UBIAD1: variants seen among roughly 807,000 people sequenced by gnomAD.
The protein encoded by UBIAD1 is UbiA prenyltransferase domain containing 1.
In UBIAD1, 12 loss-of-function variants were observed where a neutral mutation model predicts 20.1. The observed-to-expected ratio is 0.60, with a 90% CI of 0.38 to 0.97. The LOEUF (loss-of-function observed/expected upper bound fraction) is 0.97. Ranked by LOEUF, UBIAD1 falls within the 50% of genes least tolerant of loss-of-function variation. UBIAD1 has a pLI of 0.00. For missense variants in UBIAD1, 333 were observed against 419.5 expected, an observed-to-expected ratio of 0.79 and a Z score of 1.80; for synonymous variants, 207 against 189.2, an observed-to-expected ratio of 1.09 and a Z score of -0.77.
Position 11,285,339 on chromosome 1 carries a change from A to G in UBIAD1, c.530-305A>G, listed in dbSNP as rs1638238671. On this transcript the variant is annotated intron_variant, in intron 1 of 1. Transcript: ENST00000376810. The surrounding 1 kb of genome is among the most constrained non-coding windows in gnomAD (Gnocchi z 4.4). ...CCTTCCTGGGCTCTCCCATTGAACT[A>G]AGAGTATAGTGGGTGCCTAGTGTGC... 6.6e-6 allele frequency among the ~76,000 whole-genome samples: 1 copy of G among 152,124 alleles called. No individual in the cohort carries two copies. Among genetic ancestry groups the G allele is most frequent in the African/African-American group, 2.4e-5 (1 of 41,420 alleles).
intron 1 of UBIAD1, chr1:11,278,779 T>C: frequency 1.9e-6 from 1 of 517,984 alleles, no homozygotes; most frequent in Non-Finnish European, 3.5e-6. Flanking sequence ...AGTTATTTAT[T>C]CCATTCATAT....
chr1:11,281,972 A>C (rs1652256246), intron 1 of UBIAD1, among the ~76,000 whole-genome samples: 1 of 152,180 alleles, frequency 6.6e-6, no homozygotes, highest in African/African-American at 2.4e-5. Context: ...ATTGTAACAT[A>C]CCACAACTTC....
Position 11,294,962 on chromosome 1 carries a change from C to T in UBIAD1, c.*79C>T, listed in dbSNP as rs1638424394. 7.0e-6 allele frequency: 5 copies of T among 717,290 alleles called. No homozygotes were observed. The Admixed American group carries it at 1.0e-4, about 14-fold the overall frequency. The allele number at this position is 717,290 out of a possible 1,614,324, so 44.4% of individuals were successfully genotyped here. ...ACTGCCTAGTGACCTGCCTTCTAGA[C>T]CTGCCTCCTGAGAATGGGGCTGGCC... is the stretch of plus-strand genomic sequence containing the variant. On this transcript the variant is annotated 3_prime_UTR_variant, in exon 2 of 2. Coordinates refer to the UBIAD1 transcript ENST00000376804.
chr1:11,286,551 C>T lies in UBIAD1; in HGVS notation c.*420C>T, dbSNP rs112789142. The T allele has an allele frequency of 2.4e-3, 699 of 294,560 alleles. 6 individuals carry two copies. Among genetic ancestry groups the T allele is most frequent in the African/African-American group, 0.014 (618 of 45,076 alleles). The allele number at this position is 294,560 out of a possible 1,614,324, so 18.2% of individuals were successfully genotyped here. On this transcript the variant is annotated 3_prime_UTR_variant, in exon 2 of 2. Transcript: ENST00000376810. ...AGGCAGAGTGTTGTCCTGCTTTCTT[C>T]GTCTCGTAGGATGTGCTATGATTGG...
At chr1:11,296,041 C>G (rs554418471), downstream of UBIAD1, 2 of 152,306 alleles carry the variant, frequency 1.3e-5, no homozygotes, top group South Asian at 4.1e-4. Context: ...CCCCATTGTT[C>G]CAGACTGCGA....
intron 1 of UBIAD1, among the ~76,000 whole-genome samples, chr1:11,275,051 C>T (rs763310147): frequency 6.6e-6 from 1 of 152,102 alleles, no homozygotes; most frequent in Non-Finnish European, 1.5e-5. Context: ...TGACTTCTTG[C>T]AAGAGGCTGA....
downstream of UBIAD1, chr1:11,295,555 T>C (rs1638433956): frequency 6.6e-6 from 1 of 152,448 alleles, no homozygotes; most frequent in East Asian, 1.9e-4. Context: ...CTAATCAAGA[T>C]GAATGGCCTG....
downstream of UBIAD1, among the ~76,000 whole-genome samples, chr1:11,292,668 T>TATACACACACACACAC (rs1223161585): frequency 4.3e-5 from 6 of 140,742 alleles, no homozygotes; most frequent in South Asian, 2.4e-4. Flanking sequence ...ATTTTATGTA[T>TATACACACACACACAC]ACACACACAC....
chr1:11,275,991 A>G (rs1191104220), intron 1 of UBIAD1, among the ~76,000 whole-genome samples: 1 of 152,190 alleles, frequency 6.6e-6, no homozygotes. Flanking sequence ...CACGGATTAT[A>G]TAGACCTTGT....
chr1:11,291,119 G>A (rs1250656846), downstream of UBIAD1, among the ~76,000 whole-genome samples: 4 of 152,170 alleles, frequency 2.6e-5, no homozygotes, highest in African/African-American at 7.2e-5. Context: ...GAGAATTAGC[G>A]TCCAGAATAA....
At chr1:11,294,544 G>A (rs1197939782) in intron 1 of UBIAD1, among the ~76,000 whole-genome samples, 1 of 152,170 alleles carries the variant, frequency 6.6e-6, no homozygotes, top group African/African-American at 2.4e-5. Context: ...AAGTGTGTGA[G>A]TGTTGGGGCC....
chr1:11,274,143 G>T, intron 1 of UBIAD1, 83 bp downstream of exon 1: 2 of 1,544,020 alleles, frequency 1.3e-6, no homozygotes, highest in Non-Finnish European at 1.8e-6. Context: ...TTATAGGGAT[G>T]TCAAAGGTGG....
chr1:11,285,965 C>T lies in UBIAD1; in HGVS notation c.851C>T (p.Ala284Val), dbSNP rs1638256031. 5.0e-6 allele frequency: 8 copies of T among 1,614,244 alleles called. No homozygotes were observed. Among genetic ancestry groups the T allele is most frequent in the Non-Finnish European group, 6.8e-6 (8 of 1,180,048 alleles). The stretch of plus-strand genomic sequence containing the variant: ...GCCACACACTGCACCATCAGCCTGG[C>T]ACTCCCCCTGCTTACCATTCCCATG... Reference protein sequence around the residue: ...ILATHCTISLALPLLTIPMAF... With the variant: ...ILATHCTISLVLPLLTIPMAF... The change falls in exon 2 of 2, where the codon GCA (alanine) becomes GTA (valine). Residue 284 changes from alanine (A) to valine (V), a missense_variant. This residue lies in a region of UBIAD1 where 226 missense variants were observed against 263.5 expected (regional missense o/e 0.86). Transcript: ENST00000376810. This position sits in a 1 kb window ranked among gnomAD's most constrained non-coding sequence, Gnocchi z 4.4.
At chr1:11,292,708 C>T (rs1199620340), downstream of UBIAD1, among the ~76,000 whole-genome samples, 3 of 151,060 alleles carry the variant, frequency 2.0e-5, no homozygotes, top group Non-Finnish European at 2.9e-5. Context: ...CACACACACA[C>T]ACACTCACAG....
At chr1:11,295,228 G>C, downstream of UBIAD1, 1 of 356,122 alleles carries the variant, frequency 2.8e-6, no homozygotes, top group East Asian at 5.4e-5. Flanking sequence ...AATGAGCGGC[G>C]ATCAAGGTTT....
rs1211600123 is a variant in UBIAD1 at position 11,273,318 on chromosome 1, C to T, written c.-214C>T. Reference sequence around the variant, plus strand: ...GCTGGGGGCCGGAGACAGACTTCGCCCAGGTGACGGGTAGTAGGGGCGGCG... The same window carrying T: ...GCTGGGGGCCGGAGACAGACTTCGCTCAGGTGACGGGTAGTAGGGGCGGCG... On this transcript the variant is annotated 5_prime_UTR_variant, in exon 1 of 2. Transcript: ENST00000376810. This position sits in a 1 kb window ranked among gnomAD's most constrained non-coding sequence, Gnocchi z 4.9. The T allele has an allele frequency of 9.9e-6, 6 of 604,692 alleles. No homozygotes were observed. Among genetic ancestry groups the T allele is most frequent in the Middle Eastern group, 4.4e-4 (1 of 2,256 alleles). 37.5% of individuals were successfully genotyped at this position (604,692 alleles called of 1,614,324 possible). A position where few individuals can be genotyped will look rare whatever the true frequency, so the allele number is the denominator to read the frequency against.
intron 1 of UBIAD1, among the ~76,000 whole-genome samples, chr1:11,280,285 G>A (rs6685758): frequency 0.047 from 7,117 of 152,136 alleles, 329 homozygotes; most frequent in African/African-American, 0.12. Context: ...TGAGCCAGAG[G>A]GGGCATGAGA....
chr1:11,274,363 A>G (rs980200655), intron 1 of UBIAD1, among the ~76,000 whole-genome samples: 2 of 152,084 alleles, frequency 1.3e-5, no homozygotes, highest in Admixed American at 1.3e-4. Context: ...CAGTGGTGCG[A>G]TCTCGGCCCA....
chr1:11,286,105 C>T lies in UBIAD1; in HGVS notation c.991C>T (p.Pro331Ser). The T allele has an allele frequency of 2.5e-6, 4 of 1,614,212 alleles. No homozygotes were observed. The highest frequency in any genetic ancestry group is 3.4e-6 in the Non-Finnish European group (4 of 1,180,036). Residue 331 changes from proline to serine, a missense_variant, in exon 2 of 2, where the codon CCA (proline) becomes TCA (serine). Coordinates refer to ENST00000376810, the MANE Select transcript of UBIAD1 (RefSeq NM_013319.3). ...CTATGTCTTTGGCATCATTCTGGCA[C>T]CAGCAGGCAGTCTGCCCAAAATTTA... The part of the protein sequence containing the change: ...LFYVFGIILA[P>S]AGSLPKI
Sources: gnomAD v4.1 joint callset for allele counts (sites outside exome capture counted in the v4.1 genomes callset) on GRCh38, gnomAD v4.1.1 for gene constraint, gnomAD v4.1.1 regional missense constraint, Gnocchi (gnomAD v3.1) non-coding constraint, MANE v1.5 for transcripts, NCBI Gene and HGNC (gene_info 2026-07-23, HGNC 2026-07-21) for gene names.